Variants in ZFAND3 observed in about 807,000 individuals in gnomAD.
ZFAND3 encodes the protein zinc finger AN1-type containing 3.
In ZFAND3, 10 loss-of-function variants were observed where a neutral mutation model predicts 29.6. The ratio of observed to expected loss-of-function variants is 0.34; its 90% CI spans 0.21 to 0.57. The LOEUF (loss-of-function observed/expected upper bound fraction) is 0.57, where lower values mean the gene tolerates loss of function less well. ZFAND3 is among the 20% of genes least tolerant of loss of function. ZFAND3 has a pLI of 0.86. For missense variants in ZFAND3, 230 were observed against 304.5 expected (o/e 0.76, Z 1.82); for synonymous variants, 128 against 112.6 (o/e 1.14, Z -0.87).
chr6:37,930,078 T>A, intron 2 of ZFAND3, 79 bp downstream of exon 2: 1 of 1,383,384 alleles, frequency 7.2e-7, no homozygotes, highest in East Asian at 2.4e-5. Context: ...TAAGACTAAA[T>A]CATTTGACCC....
In ZFAND3 at chr6:38,137,103, T is replaced by C. The variant is rs367763978; in HGVS notation, c.530-15132T>C. 1.9e-3 allele frequency among the ~76,000 whole-genome samples: 296 copies of C among 152,354 alleles called. 2 individuals are homozygous for C. Among genetic ancestry groups the C allele is most frequent in the African/African-American group, 6.8e-3 (282 of 41,588 alleles). On this transcript the variant is annotated intron_variant, in intron 5 of 5. Transcript: ENST00000287218. The stretch of plus-strand genomic sequence containing the variant: ...TGTCTGTACTCCGCTTGTTTGTAAT[T>C]ATGAGCAACAGCAAAGCTTCAGTTC...
intron 2 of ZFAND3, among the ~76,000 whole-genome samples, chr6:38,053,882 A>G (rs928708978): frequency 9.2e-5 from 14 of 152,200 alleles, no homozygotes; most frequent in South Asian, 2.1e-4. Flanking sequence ...GCTTCTGACT[A>G]TTCTCTATGT....
rs5875613 is a variant in ZFAND3 at position 38,103,348 on chromosome 6, GTATATATA to G, written c.362-13211_362-13204del. 6.3e-5 allele frequency among the ~76,000 whole-genome samples: 9 copies of G among 143,566 alleles called. No individual in the cohort carries two copies. In the Admixed American group the frequency reaches 6.3e-4, roughly 10 times the overall value. 94.2% of individuals were successfully genotyped at this position (143,566 alleles called of 152,430 possible). A position where few individuals can be genotyped will look rare whatever the true frequency, so the allele number is the denominator to read the frequency against. On this transcript the variant is annotated intron_variant, in intron 4 of 5. Coordinates refer to ENST00000287218, the MANE Select transcript of ZFAND3 (RefSeq NM_021943.3). ...TAAATCTGGGTGTGTGTGTGTGTAT[GTATATATA>G]TATATATATATACACACAATATATA...
chr6:38,144,215 TATAA>T (rs1562016103), intron 5 of ZFAND3, among the ~76,000 whole-genome samples: 4 of 40,834 alleles, frequency 9.8e-5, no homozygotes, highest in South Asian at 1.1e-3. Context: ...ATATATAATA[TATAA>T]TATATATATA....
Position 37,985,499 on chromosome 6 carries a change from C to CCACACACACACACACACACACA in ZFAND3, c.112+55508_112+55529dup, listed in dbSNP as rs5875607. 6.4e-5 allele frequency among the ~76,000 whole-genome samples: 9 copies of CCACACACACACACACACACACA among 141,702 alleles called. No homozygotes were observed. The East Asian group carries it at 1.8e-3, about 29-fold the overall frequency. 93.0% of individuals were successfully genotyped at this position (141,702 alleles called of 152,430 possible). A position where few individuals can be genotyped will look rare whatever the true frequency, so the allele number is the denominator to read the frequency against. On this transcript the variant is annotated intron_variant, in intron 2 of 5. Coordinates refer to ENST00000287218, the MANE Select transcript of ZFAND3 (RefSeq NM_021943.3). Reference sequence around the variant, plus strand: ...CGCCTGGTGGCACGTGCTTGTGGTTCCACACACACACACACACACACACAC... The same window carrying CCACACACACACACACACACACA: ...CGCCTGGTGGCACGTGCTTGTGGTTCCACACACACACACACACACACACACACACACACACACACACACACAC...
chr6:38,017,214 G>T (rs1159592563), intron 2 of ZFAND3, among the ~76,000 whole-genome samples: 3 of 152,196 alleles, frequency 2.0e-5, no homozygotes, highest in Non-Finnish European at 4.4e-5. Flanking sequence ...TCTTCATCCA[G>T]CATCTCCCAG....
intron 5 of ZFAND3, among the ~76,000 whole-genome samples, chr6:38,144,225 A>ATTTT: frequency 1.3e-5 from 1 of 75,534 alleles, no homozygotes; most frequent in East Asian, 3.7e-4. Context: ...TATAATATAT[A>ATTTT]TATATATTTT....
intron 2 of ZFAND3, among the ~76,000 whole-genome samples, chr6:38,036,463 GA>G (rs1329140968): frequency 1.3e-5 from 2 of 152,184 alleles, no homozygotes; most frequent in Non-Finnish European, 2.9e-5. Flanking sequence ...GTTTTCAACA[GA>G]AATTCATGCA....
intron 1 of ZFAND3, among the ~76,000 whole-genome samples, chr6:37,840,712 T>G (rs1349331709): frequency 6.6e-6 from 1 of 152,218 alleles, no homozygotes; most frequent in Non-Finnish European, 1.5e-5. Context: ...TCCTTGAACA[T>G]GGGATATATT....
At position 37,828,882 on chromosome 6, in the gene ZFAND3, C is replaced by T. The variant is rs1038392646; in HGVS notation, c.71+8866C>T. On this transcript the variant is annotated intron_variant, in intron 1 of 5. Coordinates refer to ENST00000287218, the MANE Select transcript of ZFAND3 (RefSeq NM_021943.3). ...AGCCAGGATGGTCTCAATCTCCTTACCTCGTGATCCGCCCGCCTCGGCCTC... is the reference window on the plus strand; with the variant it reads ...AGCCAGGATGGTCTCAATCTCCTTATCTCGTGATCCGCCCGCCTCGGCCTC... Among the ~76,000 whole-genome samples the T allele has an allele frequency of 1.1e-4, 16 of 152,206 alleles. 1 individual carries two copies. The Middle Eastern group carries it at 0.01, about 97-fold the overall frequency.
chr6:38,049,804 A>G (rs1000125524), intron 2 of ZFAND3, among the ~76,000 whole-genome samples: 3 of 151,936 alleles, frequency 2.0e-5, no homozygotes, highest in African/African-American at 7.3e-5. Context: ...TCAAAAAAAT[A>G]TATCTTAGAA....
At chr6:37,961,664 A>T (rs1036551985) in intron 2 of ZFAND3, among the ~76,000 whole-genome samples, 2 of 152,228 alleles carry the variant, frequency 1.3e-5, no homozygotes, top group African/African-American at 4.8e-5. Context: ...CAGAGAGAGA[A>T]AGAGATTCTA....
rs367545879 is a variant in ZFAND3, at chr6:37,860,038, AT to A, written c.71+40038del. Reference sequence around the variant, plus strand: ...AGGAGCCTGCCACTACGCCCAGCTAATTTTTTTTTTTTTTTTGTATTTTTTA... The same window carrying A: ...AGGAGCCTGCCACTACGCCCAGCTAATTTTTTTTTTTTTTTGTATTTTTTA... On this transcript the variant is annotated intron_variant, in intron 1 of 5. Transcript: ENST00000287218. Among the ~76,000 whole-genome samples, 303 of 134,178 alleles carry A rather than the reference AT, an allele frequency of 2.3e-3. 1 individual carries two copies. Among genetic ancestry groups the A allele is most frequent in the Admixed American group, 4.6e-3 (61 of 13,308 alleles). 88.0% of individuals were successfully genotyped at this position (134,178 alleles called of 152,430 possible). A position where few individuals can be genotyped will look rare whatever the true frequency, so the allele number is the denominator to read the frequency against.
chr6:38,022,849 A>T (rs530404266), intron 2 of ZFAND3, among the ~76,000 whole-genome samples: 38 of 152,326 alleles, frequency 2.5e-4, no homozygotes, highest in African/African-American at 8.9e-4. Flanking sequence ...GCACAGCACA[A>T]CTTGATTGGA....
intron 3 of ZFAND3, among the ~76,000 whole-genome samples, chr6:38,070,311 C>T (rs151306793): frequency 0.014 from 2,158 of 151,928 alleles, 44 homozygotes; most frequent in African/African-American, 0.048. Flanking sequence ...GTAATTCCAG[C>T]TACTCGGGGG....
intron 2 of ZFAND3, among the ~76,000 whole-genome samples, chr6:38,034,460 C>T (rs1230868421): frequency 6.6e-6 from 1 of 152,076 alleles, no homozygotes; most frequent in Admixed American, 6.6e-5. Flanking sequence ...ATTTCCAGTT[C>T]AAGATATAAG....
intron 2 of ZFAND3, among the ~76,000 whole-genome samples, chr6:37,957,952 A>G (rs1290882636): frequency 6.6e-6 from 1 of 152,196 alleles, no homozygotes; most frequent in African/African-American, 2.4e-5. Flanking sequence ...TAATCCAAAA[A>G]TCGTGTACAC....
At chr6:37,952,445 A>G (rs529333950) in intron 2 of ZFAND3, among the ~76,000 whole-genome samples, 1 of 152,170 alleles carries the variant, frequency 6.6e-6, no homozygotes, top group South Asian at 2.1e-4. Flanking sequence ...TTTTATGTTT[A>G]TAGTAATTTA....
intron 1 of ZFAND3, among the ~76,000 whole-genome samples, chr6:37,919,580 A>C (rs1761334307): frequency 6.6e-6 from 1 of 152,052 alleles, no homozygotes; most frequent in Non-Finnish European, 1.5e-5. Flanking sequence ...TGTTGCAGTC[A>C]CTGGAAAATT....
Sources: gnomAD v4.1 joint callset for allele counts (sites outside exome capture counted in the v4.1 genomes callset) on GRCh38, gnomAD v4.1.1 for gene constraint, MANE v1.5 for transcripts, NCBI Gene and HGNC (gene_info 2026-07-23, HGNC 2026-07-21) for gene names.